Variants in CYRIA observed in about 807,000 individuals in gnomAD.
The protein encoded by CYRIA is CYFIP-related Rac1 interactor A.
In CYRIA, 15 loss-of-function variants were observed where a neutral mutation model predicts 43.9. That is an observed-to-expected ratio of 0.34 (90% CI 0.23 to 0.53). The LOEUF (loss-of-function observed/expected upper bound fraction) is 0.53. Ranked by LOEUF, CYRIA falls within the 20% of genes least tolerant of loss-of-function variation. The probability of loss-of-function intolerance (pLI) is 0.94; values close to 1 mark genes in which losing one functional copy is unlikely to be tolerated. For missense variants in CYRIA, 236 were observed against 394.2 expected (o/e 0.60, Z 3.40); for synonymous variants, 117 against 136.0 (o/e 0.86, Z 0.97).
At chr2:16,555,292 C>G (rs1666466803) in intron 10 of CYRIA, among the ~76,000 whole-genome samples, 153 bp from the exon 11 acceptor site, 1 of 152,138 alleles carries the variant, frequency 6.6e-6, no homozygotes, top group Middle Eastern at 3.2e-3. Flanking sequence ...CCCCCTCAGG[C>G]TGGTGAGCTG....
At chr2:16,618,943 A>T (rs1455030263) in intron 2 of CYRIA, among the ~76,000 whole-genome samples, 1 of 152,200 alleles carries the variant, frequency 6.6e-6, no homozygotes, top group Non-Finnish European at 1.5e-5. Context: ...GAAGCCCCAT[A>T]GGCTTGTGGA....
chr2:16,649,674 A>C (rs531920977), intron 1 of CYRIA, among the ~76,000 whole-genome samples: 2 of 151,940 alleles, frequency 1.3e-5, no homozygotes, highest in South Asian at 2.1e-4. Flanking sequence ...GGGAACAGTT[A>C]CAGTACAGGA....
intron 1 of CYRIA, among the ~76,000 whole-genome samples, chr2:16,661,066 T>C (rs889970228): frequency 1.3e-5 from 2 of 152,146 alleles, no homozygotes; most frequent in African/African-American, 4.8e-5. Context: ...AAGGACTGCT[T>C]GAGCCCAGGA....
intron 1 of CYRIA, among the ~76,000 whole-genome samples, chr2:16,632,232 C>T (rs1050311307): frequency 6.6e-6 from 1 of 152,214 alleles, no homozygotes; most frequent in African/African-American, 2.4e-5. Flanking sequence ...AAGTGCCCTT[C>T]AGCGGAGTGT....
At chr2:16,562,644 C>A (rs141986011) in intron 5 of CYRIA, among the ~76,000 whole-genome samples, 76 of 152,216 alleles carry the variant, frequency 5.0e-4, no homozygotes, top group African/African-American at 1.8e-3. Context: ...CATTATTTTT[C>A]TTGCAACAGT....
intron 1 of CYRIA, among the ~76,000 whole-genome samples, chr2:16,629,347 G>C (rs747986037): frequency 1.3e-5 from 2 of 152,140 alleles, no homozygotes; most frequent in African/African-American, 2.4e-5. Context: ...GCTCGTTTTT[G>C]TTTTACTCTT....
intron 1 of CYRIA, among the ~76,000 whole-genome samples, chr2:16,645,353 C>T (rs563847896): frequency 6.6e-6 from 1 of 152,332 alleles, no homozygotes; most frequent in South Asian, 2.1e-4. Flanking sequence ...CAGTCTGGAA[C>T]TAGGTACCTC....
At chr2:16,613,080 T>C (rs1362582492) in intron 2 of CYRIA, among the ~76,000 whole-genome samples, 2 of 152,206 alleles carry the variant, frequency 1.3e-5, no homozygotes, top group Non-Finnish European at 2.9e-5. Context: ...TGTGAGTCAA[T>C]TAAACCTCTT....
rs376587125 is a variant in CYRIA at position 16,552,927 on chromosome 2, A to T, written c.*9T>A. ...GTCAGCACATAGATCCTCTTCTTTG[A>T]GCAGAGCTCTACTGAAGCATTGCTC... On this transcript the variant is annotated 3_prime_UTR_variant, in exon 12 of 12. Coordinates refer to ENST00000381323, the MANE Select transcript of CYRIA (RefSeq NM_030797.4). 130 of 1,573,850 alleles carry T rather than the reference A, an allele frequency of 8.3e-5. No homozygotes were observed. Among genetic ancestry groups the T allele is most frequent in the Non-Finnish European group, 1.1e-4 (124 of 1,143,454 alleles).
chr2:16,632,048 A>G (rs961084290), intron 1 of CYRIA, among the ~76,000 whole-genome samples: 2 of 152,190 alleles, frequency 1.3e-5, no homozygotes, highest in African/African-American at 4.8e-5. Context: ...TCTACAAGGG[A>G]CACTGTCAGG....
At chr2:16,592,419 AT>A (rs1296363975) in intron 2 of CYRIA, among the ~76,000 whole-genome samples, 1 of 152,044 alleles carries the variant, frequency 6.6e-6, no homozygotes, top group Non-Finnish European at 1.5e-5. Context: ...GGAGAGTGGC[AT>A]TGGAAGGTGG....
chr2:16,606,989 C>T (rs1668424141), intron 2 of CYRIA, among the ~76,000 whole-genome samples: 1 of 152,102 alleles, frequency 6.6e-6, no homozygotes, highest in Non-Finnish European at 1.5e-5. Flanking sequence ...AAAGCCATCA[C>T]ATACAAAAAA....
chr2:16,615,946 G>A (rs16982572), intron 2 of CYRIA, among the ~76,000 whole-genome samples: 19,066 of 152,196 alleles, frequency 0.13, 2,550 homozygotes, highest in East Asian at 0.75. Flanking sequence ...CGACGCCTGG[G>A]ACCATCTTCA....
At chr2:16,568,293 G>C (rs1011942619) in intron 3 of CYRIA, among the ~76,000 whole-genome samples, 1 of 151,276 alleles carries the variant, frequency 6.6e-6, no homozygotes, top group South Asian at 2.1e-4. Flanking sequence ...TTTGGATAAG[G>C]GGTATTCAAC....
chr2:16,583,180 A>T (rs1402091510), intron 3 of CYRIA, among the ~76,000 whole-genome samples: 1 of 152,188 alleles, frequency 6.6e-6, no homozygotes, highest in Admixed American at 6.5e-5. Flanking sequence ...GTCCACTCAG[A>T]TCCCAAAGAA....
intron 10 of CYRIA, among the ~76,000 whole-genome samples, chr2:16,557,184 C>T (rs890672830): frequency 2.6e-5 from 4 of 152,132 alleles, no homozygotes; most frequent in South Asian, 4.1e-4. Flanking sequence ...TGGCTTGTGC[C>T]GCCTTGGTAG....
chr2:16,566,013 T>C (rs906783688), intron 3 of CYRIA, among the ~76,000 whole-genome samples: 15 of 152,218 alleles, frequency 9.9e-5, no homozygotes, highest in African/African-American at 3.1e-4. Flanking sequence ...GGAGTCATCA[T>C]AGGCACTTAT....
chr2:16,654,492 T>C (rs139915550), intron 1 of CYRIA, among the ~76,000 whole-genome samples: 6 of 152,318 alleles, frequency 3.9e-5, no homozygotes, highest in Non-Finnish European at 8.8e-5. Flanking sequence ...AGGATTTTAT[T>C]TTCTTTAAAA....
chr2:16,561,474 G>A lies in CYRIA; in HGVS notation c.495C>T (p.Asn165=). The part of the protein sequence containing the change: ...FSYYRRTISR[N]RINNMHLDIE... ...GACTCACGTGCATGTTGTTGATGCG[G>A]TTGCGACTGATTGTTCTTCTGTAGT... Residue 165 remains asparagine, a synonymous_variant, in exon 7 of 12, where the codon AAC becomes AAT. Coordinates refer to ENST00000381323, the MANE Select transcript of CYRIA (RefSeq NM_030797.4). 4 of 1,613,808 alleles carry A rather than the reference G, an allele frequency of 2.5e-6. No homozygotes were observed. Among genetic ancestry groups the A allele is most frequent in the Non-Finnish European group, 3.4e-6 (4 of 1,179,774 alleles).
Sources: gnomAD v4.1 joint callset for allele counts (sites outside exome capture counted in the v4.1 genomes callset) on GRCh38, gnomAD v4.1.1 for gene constraint, MANE v1.5 for transcripts, NCBI Gene and HGNC (gene_info 2026-07-23, HGNC 2026-07-21) for gene names.